COLEC12: variants seen among roughly 807,000 people sequenced by gnomAD.
COLEC12 encodes the protein collectin-12.
In COLEC12, 33 loss-of-function variants were observed where a neutral mutation model predicts 71.1. The observed-to-expected ratio is 0.46, with a 90% CI of 0.35 to 0.62. COLEC12 has a LOEUF of 0.62. COLEC12 is among the 20% of genes least tolerant of loss of function. The probability of loss-of-function intolerance (pLI) is 0.00; values close to 1 mark genes in which losing one functional copy is unlikely to be tolerated. For synonymous variants in COLEC12, 350 were observed against 353.0 expected, an observed-to-expected ratio of 0.99 and a Z score of 0.10; for missense variants, 765 against 916.1, an observed-to-expected ratio of 0.84 and a Z score of 2.13.
At position 351,365 on chromosome 18, in the gene COLEC12, C is replaced by A. The variant is rs143030849; in HGVS notation, c.182-3202G>T. 6.7e-4 allele frequency among the ~76,000 whole-genome samples: 102 copies of A among 152,138 alleles called. 2 individuals carry two copies. The highest frequency in any genetic ancestry group is 2.4e-3 in the African/African-American group (100 of 41,502). ...CTGCTTGTCACTTCCTGTGGGAACC[C>A]TTTGCCGAGGTGCACCTTGCAGAAT... On this transcript the variant is annotated intron_variant, in intron 3 of 9. Coordinates refer to ENST00000400256, the MANE Select transcript of COLEC12 (RefSeq NM_130386.3).
chr18:337,133 A>T (rs62089624), intron 5 of COLEC12, among the ~76,000 whole-genome samples: 15,964 of 152,082 alleles, frequency 0.1, 977 homozygotes, highest in Admixed American at 0.16. Context: ...GGACTCTCCA[A>T]GTGCTGGGAT....
At position 331,673 on chromosome 18, in the gene COLEC12, G is replaced by C. The variant is rs780956739; in HGVS notation, c.2058C>G (p.Asp686Glu). 3.0e-5 allele frequency: 48 copies of C among 1,601,526 alleles called. No homozygotes were observed. The South Asian group carries it at 5.2e-4, about 17-fold the overall frequency. ...EWKWLDGTSP[D>E]YKNWKAGQPD... The stretch of plus-strand genomic sequence containing the variant: ...GGAAGCTTCTGAGTACTTACTTGTA[G>C]TCTGGAGATGTCCCATCCAGCCACT... The change falls in exon 8 of 10, where the codon GAC becomes GAG. Residue 686 changes from aspartate to glutamate, a missense_variant. Transcript: ENST00000400256.
At chr18:380,072 A>G (rs778393074) in intron 2 of COLEC12, among the ~76,000 whole-genome samples, 26 of 152,146 alleles carry the variant, frequency 1.7e-4, no homozygotes, top group Non-Finnish European at 3.4e-4. Context: ...TTGGTGCCCA[A>G]TAGGTCCGGC....
At chr18:386,359 T>C (rs1042562214) in intron 2 of COLEC12, among the ~76,000 whole-genome samples, 2 of 152,208 alleles carry the variant, frequency 1.3e-5, no homozygotes, top group East Asian at 1.9e-4. Flanking sequence ...CCTAGAATGA[T>C]AATGCTACAA....
At position 319,321 on chromosome 18, in the gene COLEC12, T is replaced by G. The variant is rs1913629278; in HGVS notation, c.*724A>C. On this transcript the variant is annotated 3_prime_UTR_variant, in exon 10 of 10. Coordinates refer to ENST00000400256, the MANE Select transcript of COLEC12 (RefSeq NM_130386.3). ...TGGTTCCTCTGAGGAAATGAAACAT[T>G]AAAAAAAAAAAAAAAAAAAAATATA... 1.2e-5 allele frequency: 1 copy of G among 84,092 alleles called. No homozygotes were observed. Among genetic ancestry groups the G allele is most frequent in the African/African-American group, 4.6e-5 (1 of 21,800 alleles). 5.2% of individuals were successfully genotyped at this position (84,092 alleles called of 1,614,324 possible).
rs116203116 is a variant in COLEC12 at position 475,393 on chromosome 18, C to T, written c.58+5314G>A. On this transcript the variant is annotated intron_variant, in intron 2 of 9. Transcript: ENST00000400256. ...AATGGGTCAGCTTTCTGCAGGGCTG[C>T]GGTGAGAGGGATGCCTGGAGCCCTC... is the stretch of plus-strand genomic sequence containing the variant. 6.6e-3 allele frequency among the ~76,000 whole-genome samples: 1,010 copies of T among 152,182 alleles called. 10 individuals are homozygous for T. The highest frequency in any genetic ancestry group is 0.023 in the African/African-American group (966 of 41,520).
intron 2 of COLEC12, among the ~76,000 whole-genome samples, chr18:434,915 G>T (rs183187822): frequency 1.2e-3 from 190 of 152,112 alleles, no homozygotes; most frequent in Non-Finnish European, 2.0e-3. Context: ...CAAACCACTT[G>T]CCATTCCCAG....
intron 2 of COLEC12, among the ~76,000 whole-genome samples, chr18:427,966 C>A (rs1916229492): frequency 6.6e-6 from 1 of 152,110 alleles, no homozygotes; most frequent in South Asian, 2.1e-4. Context: ...GGAAGTCCTA[C>A]CTAAAGAGCT....
At chr18:450,421 T>G (rs1402461088) in intron 2 of COLEC12, among the ~76,000 whole-genome samples, 7 of 152,124 alleles carry the variant, frequency 4.6e-5, no homozygotes, top group African/African-American at 1.7e-4. Context: ...TCTTCTGAGA[T>G]CTGGTGGTTT....
intron 2 of COLEC12, among the ~76,000 whole-genome samples, chr18:455,654 C>T (rs979874658): frequency 2.6e-5 from 4 of 151,782 alleles, no homozygotes; most frequent in Non-Finnish European, 4.4e-5. Flanking sequence ...TTTGCCCCCC[C>T]CTCCCCTGAC....
chr18:470,469 A>G (rs1555622160), intron 2 of COLEC12, among the ~76,000 whole-genome samples: 2 of 151,896 alleles, frequency 1.3e-5, no homozygotes, highest in African/African-American at 4.8e-5. Context: ...TCCTGACCTC[A>G]AGTGATGCAC....
chr18:410,832 G>A (rs555932673), intron 2 of COLEC12, among the ~76,000 whole-genome samples: 4 of 152,202 alleles, frequency 2.6e-5, no homozygotes, highest in African/African-American at 9.6e-5. Flanking sequence ...CAGGAATGAA[G>A]CAGCCTAGCA....
chr18:384,399 G>T (rs1915299020), intron 2 of COLEC12, among the ~76,000 whole-genome samples: 1 of 152,070 alleles, frequency 6.6e-6, no homozygotes, highest in African/African-American at 2.4e-5. Flanking sequence ...AAAGACAGCT[G>T]GAAAAGGACA....
chr18:477,542 T>A (rs1226288766), intron 2 of COLEC12, among the ~76,000 whole-genome samples: 1 of 152,250 alleles, frequency 6.6e-6, no homozygotes, highest in Non-Finnish European at 1.5e-5. Flanking sequence ...CACCTTTACA[T>A]TTCTTCAGGA....
In COLEC12 at chr18:479,525, T is replaced by TTC. The variant is rs1598378426; in HGVS notation, c.58+1181_58+1182insGA. 4.9e-5 allele frequency among the ~76,000 whole-genome samples: 7 copies of TTC among 143,924 alleles called. No homozygotes were observed. In the East Asian group the frequency reaches 1.5e-3, roughly 31 times the overall value. The allele number at this position is 143,924 out of a possible 152,430, so 94.4% of individuals were successfully genotyped here. On this transcript the variant is annotated intron_variant, in intron 2 of 9. Transcript: ENST00000400256. ...CAGGAAGTAGATTCATTCATTTTCA[T>TTC]ACTCTCTCTCTCTCTCTCTCTCTCT... is the stretch of plus-strand genomic sequence containing the variant.
At chr18:386,691 A>G (rs1300955459) in intron 2 of COLEC12, among the ~76,000 whole-genome samples, 1 of 152,206 alleles carries the variant, frequency 6.6e-6, no homozygotes, top group Non-Finnish European at 1.5e-5. Flanking sequence ...ATATTACAGG[A>G]AAAGAATGGA....
intron 2 of COLEC12, among the ~76,000 whole-genome samples, chr18:371,382 T>C (rs1332870546): frequency 6.6e-6 from 1 of 152,156 alleles, no homozygotes; most frequent in Non-Finnish European, 1.5e-5. Flanking sequence ...TTTGAGCCCG[T>C]GGAAGATCCA....
chr18:335,905 A>C (rs1266842394), intron 5 of COLEC12, among the ~76,000 whole-genome samples: 2 of 152,188 alleles, frequency 1.3e-5, no homozygotes, highest in Non-Finnish European at 2.9e-5. Context: ...CTTATTCTTC[A>C]CAGTGACTCA....
chr18:358,884 A>T (rs1050032993), intron 2 of COLEC12, among the ~76,000 whole-genome samples: 2 of 152,196 alleles, frequency 1.3e-5, no homozygotes, highest in African/African-American at 4.8e-5. Context: ...GGTACAATAA[A>T]AATACAGTTT....
Sources: gnomAD v4.1 joint callset for allele counts (sites outside exome capture counted in the v4.1 genomes callset) on GRCh38, gnomAD v4.1.1 for gene constraint, MANE v1.5 for transcripts, NCBI Gene and HGNC (gene_info 2026-07-23, HGNC 2026-07-21) for gene names.